Variants in ENKUR observed in about 807,000 individuals in gnomAD.
The protein encoded by ENKUR is enkurin, TRPC channel interacting protein, also known as enkurin.
Under a neutral mutation model 27.6 loss-of-function variants are expected in ENKUR, and 19 were observed. The observed-to-expected ratio is 0.69, with a 90% CI of 0.48 to 1.01. The LOEUF is 1.01. Among genes scored for constraint, ENKUR ranks in the 50% least tolerant of loss-of-function variants. The pLI is 0.00. For synonymous variants in ENKUR, 117 were observed against 96.9 expected (o/e 1.21, Z -1.22); for missense variants, 312 against 310.5 (o/e 1.00, Z -0.04).
In ENKUR at chr10:24,984,128, A is replaced by G. The variant is rs1026513675; in HGVS notation, c.*242T>C. 1.7e-5 allele frequency: 7 copies of G among 414,776 alleles called. No homozygotes were observed. The highest frequency in any genetic ancestry group is 8.2e-5 in the Admixed American group (2 of 24,472). The allele number at this position is 414,776 out of a possible 1,614,324, so 25.7% of individuals were successfully genotyped here. A position where few individuals can be genotyped will look rare whatever the true frequency, so the allele number is the denominator to read the frequency against. On this transcript the variant is annotated 3_prime_UTR_variant, in exon 6 of 6. Transcript: ENST00000331161. Reference sequence around the variant, plus strand: ...TTATAAGTTGTCATCTTGATTTTGTAAGTTGTCTTCTTAATTTTTCTTCCT... The same window carrying G: ...TTATAAGTTGTCATCTTGATTTTGTGAGTTGTCTTCTTAATTTTTCTTCCT...
intron 4 of ENKUR, among the ~76,000 whole-genome samples, chr10:24,987,761 C>T (rs1849811122): frequency 1.3e-5 from 2 of 152,050 alleles, no homozygotes; most frequent in South Asian, 4.1e-4. Flanking sequence ...GAGTTTTAGT[C>T]CCTATTGATG....
chr10:25,006,660 A>C (rs545314386), intron 1 of ENKUR, among the ~76,000 whole-genome samples: 2 of 152,368 alleles, frequency 1.3e-5, no homozygotes, highest in African/African-American at 4.8e-5. Flanking sequence ...TCACTGCATT[A>C]GAACAAGGTT....
intron 2 of ENKUR, among the ~76,000 whole-genome samples, chr10:25,036,722 G>C (rs1348921257): frequency 2.6e-5 from 4 of 152,174 alleles, no homozygotes; most frequent in African/African-American, 4.8e-5. Flanking sequence ...TACTATTCAA[G>C]CATATTCCTG....
At position 24,984,886 on chromosome 10, in the gene ENKUR, T is replaced by G; in HGVS notation, c.614A>C (p.Glu205Ala). 6.2e-7 allele frequency: 1 copy of G among 1,612,722 alleles called. No individual in the cohort carries two copies. Among genetic ancestry groups the G allele is most frequent in the African/African-American group, 1.3e-5 (1 of 74,954 alleles). The change falls in exon 5 of 6, where the codon GAA becomes GCA. Residue 205 changes from glutamate (E) to alanine (A), a missense_variant. Physicochemically the swap from Glu to Ala is moderately radical, Grantham distance 107. Transcript: ENST00000331161. ...GGACTGGAATTCTTTATGCACCTCT[T>G]CCCAGTTCTTTTTCAGCCCCTGCAA... ...AVLQGLKKNWEEVHKEFQSLS... is the reference protein window; with the variant it reads ...AVLQGLKKNWAEVHKEFQSLS...
At position 25,024,061 on chromosome 10, in the gene ENKUR, T is replaced by G. The variant is rs181530007; in HGVS notation, c.38-28192A>C. On this transcript the variant is annotated intron_variant, in intron 2 of 5. Transcript: ENST00000615958. Reference sequence around the variant, plus strand: ...GTTTCCAAAATTAAGCTGCGGGGAGTGGAAAAGCCTAGTAGGAGCAACCTA... The same window carrying G: ...GTTTCCAAAATTAAGCTGCGGGGAGGGGAAAAGCCTAGTAGGAGCAACCTA... 37 of 1,613,932 alleles carry G rather than the reference T, an allele frequency of 2.3e-5. No individual in the cohort carries two copies. The Admixed American group carries it at 5.2e-4, about 23-fold the overall frequency.
At chr10:25,021,416 C>G (rs1850716246) in intron 2 of ENKUR, among the ~76,000 whole-genome samples, 1 of 152,058 alleles carries the variant, frequency 6.6e-6, no homozygotes, top group African/African-American at 2.4e-5. Context: ...TGACTTTTTC[C>G]CCTCTGATCA....
chr10:25,027,750 G>A (rs1052041583), intron 2 of ENKUR, among the ~76,000 whole-genome samples: 5 of 151,730 alleles, frequency 3.3e-5, no homozygotes, highest in African/African-American at 1.2e-4. Flanking sequence ...ATATGGTGGT[G>A]CACACCTGTA....
intron 3 of ENKUR, among the ~76,000 whole-genome samples, chr10:24,993,799 A>C (rs918187284): frequency 6.6e-6 from 1 of 152,162 alleles, no homozygotes; most frequent in Non-Finnish European, 1.5e-5. Flanking sequence ...TTCCTGTTGA[A>C]GGTAGAAAAT....
At chr10:25,022,886 T>C (rs1343438405) in intron 2 of ENKUR, among the ~76,000 whole-genome samples, 1 of 152,206 alleles carries the variant, frequency 6.6e-6, no homozygotes, top group Non-Finnish European at 1.5e-5. Flanking sequence ...GCATCTACAA[T>C]CTGGCACTTT....
In ENKUR at chr10:25,016,011, T is replaced by C. The variant is rs950022868; in HGVS notation, c.-75A>G. 6 of 1,543,116 alleles carry C rather than the reference T, an allele frequency of 3.9e-6. No individual in the cohort carries two copies. Among genetic ancestry groups the C allele is most frequent in the African/African-American group, 2.8e-5 (2 of 72,524 alleles). The stretch of plus-strand genomic sequence containing the variant: ...TGTCCCAGTATCTCCGTCCCTTTCT[T>C]CACTGCTTCCCCTTTCTTTCTTCTT... On this transcript the variant is annotated 5_prime_UTR_variant, in exon 1 of 6. Transcript: ENST00000331161.
chr10:24,986,479 C>T (rs1288508656), intron 4 of ENKUR, among the ~76,000 whole-genome samples: 1 of 152,188 alleles, frequency 6.6e-6, no homozygotes, highest in East Asian at 1.9e-4. Flanking sequence ...AAGAAGCCCT[C>T]AAAAGAATTC....
Position 24,983,658 on chromosome 10 carries a change from A to G in ENKUR, c.*712T>C, listed in dbSNP as rs949267774. ...TACTTTTCTTTAAGTAACCAAAATA[A>G]GCTTTTCTATAAGGCTTCCAAATTC... is the stretch of plus-strand genomic sequence containing the variant. On this transcript the variant is annotated 3_prime_UTR_variant, in exon 6 of 6. Coordinates refer to ENST00000331161, the MANE Select transcript of ENKUR (RefSeq NM_145010.4). 6.6e-6 allele frequency: 1 copy of G among 152,178 alleles called. No individual in the cohort carries two copies. Among genetic ancestry groups the G allele is most frequent in the Non-Finnish European group, 1.5e-5 (1 of 68,028 alleles). The allele number at this position is 152,178 out of a possible 1,614,324, so 9.4% of individuals were successfully genotyped here.
chr10:25,040,964 G>A (rs1012081287), intron 2 of ENKUR, among the ~76,000 whole-genome samples: 8 of 152,172 alleles, frequency 5.3e-5, no homozygotes, highest in African/African-American at 1.9e-4. Context: ...ATAAATATAT[G>A]AGTAAGATGT....
chr10:25,027,356 T>TTAAAAAAAAAAA (rs1564352066), intron 2 of ENKUR, among the ~76,000 whole-genome samples: 1 of 45,730 alleles, frequency 2.2e-5, no homozygotes, highest in Non-Finnish European at 3.6e-5. Flanking sequence ...GACTCCCGTC[T>TTAAAAAAAAAAA]CAAAAAAAAA....
At chr10:24,996,687 T>C (rs778950521) in intron 2 of ENKUR, among the ~76,000 whole-genome samples, 1 of 152,188 alleles carries the variant, frequency 6.6e-6, no homozygotes, top group African/African-American at 2.4e-5. Context: ...TACTAAGGAC[T>C]GACTTTATTC....
chr10:24,984,577 T>G (rs1038374552), intron 5 of ENKUR, 159 bp downstream of exon 5: 2 of 1,007,264 alleles, frequency 2.0e-6, no homozygotes, highest in South Asian at 3.7e-5. Context: ...TGTAAGTGAA[T>G]AACTCAATTA....
Position 25,027,356 on chromosome 10 carries a change from T to TAAAAAAAAAAAAAAAAAAAAAAAAAAAAA in ENKUR, c.38-31488_38-31487insTTTTTTTTTTTTTTTTTTTTTTTTTTTTT, listed in dbSNP as rs1564352066. Among the ~76,000 whole-genome samples the TAAAAAAAAAAAAAAAAAAAAAAAAAAAAA allele has an allele frequency of 1.5e-4, 7 of 45,736 alleles. 1 individual carries two copies. Among genetic ancestry groups the TAAAAAAAAAAAAAAAAAAAAAAAAAAAAA allele is most frequent in the Admixed American group, 8.6e-4 (3 of 3,478 alleles). The allele number at this position is 45,736 out of a possible 152,430, so 30.0% of individuals were successfully genotyped here. A position where few individuals can be genotyped will look rare whatever the true frequency, so the allele number is the denominator to read the frequency against. ...TGGGTGACAGAGCAAGACTCCCGTC[T>TAAAAAAAAAAAAAAAAAAAAAAAAAAAAA]CAAAAAAAAAAAAAAAAAAAAAAAA... On this transcript the variant is annotated intron_variant, in intron 2 of 5. Transcript: ENST00000615958.
At chr10:25,013,118 C>T (rs115282368) in intron 1 of ENKUR, among the ~76,000 whole-genome samples, 2,555 of 152,256 alleles carry the variant, frequency 0.017, 79 homozygotes, top group African/African-American at 0.059. Flanking sequence ...GACTTTGCTC[C>T]GCCTTTGCCT....
intron 1 of ENKUR, among the ~76,000 whole-genome samples, chr10:25,012,200 G>A (rs1043322285): frequency 5.3e-5 from 8 of 152,032 alleles, no homozygotes; most frequent in Admixed American, 2.0e-4. Context: ...GTATCAAAAT[G>A]TCTGGATGTC....
Sources: allele counts gnomAD v4.1 joint callset (sites outside exome capture counted in the v4.1 genomes callset), GRCh38; gene constraint gnomAD v4.1.1; transcripts MANE v1.5; gene names NCBI Gene and HGNC (gene_info 2026-07-23, HGNC 2026-07-21).